Variants in ARHGAP10 observed in about 807,000 individuals in gnomAD.
ARHGAP10 encodes the protein Rho GTPase activating protein 10, also known as rho GTPase-activating protein 10.
Under a neutral mutation model 108.6 loss-of-function variants are expected in ARHGAP10, and 87 were observed. That is an observed-to-expected ratio of 0.80 (90% CI 0.67 to 0.96). The LOEUF is 0.96. Ranked by LOEUF, ARHGAP10 falls within the 40% of genes least tolerant of loss-of-function variation. ARHGAP10 has a pLI of 0.00. For synonymous variants in ARHGAP10, 347 were observed against 341.1 expected (o/e 1.02, Z -0.19); for missense variants, 939 against 954.5 (o/e 0.98, Z 0.21).
In ARHGAP10 at chr4:147,872,161, T is replaced by G. The variant is rs376837777; in HGVS notation, c.703-2860T>G. Among the ~76,000 whole-genome samples the G allele has an allele frequency of 7.5e-4, 106 of 142,148 alleles. No homozygotes were observed. The South Asian group carries it at 0.022, about 30-fold the overall frequency. 93.3% of individuals were successfully genotyped at this position (142,148 alleles called of 152,430 possible). On this transcript the variant is annotated intron_variant, in intron 7 of 22. Transcript: ENST00000336498. ...TGCAGAAAATAAACCTCTGAGGAAG[T>G]TGGGTGGTGAGGGAGAGGGGGACCT...
At chr4:147,738,553 C>A (rs1728524531) in intron 1 of ARHGAP10, among the ~76,000 whole-genome samples, 1 of 147,920 alleles carries the variant, frequency 6.8e-6, no homozygotes, top group Admixed American at 6.7e-5. Flanking sequence ...ACTCTGTCTC[C>A]CCCCCCCAAA....
intron 13 of ARHGAP10, among the ~76,000 whole-genome samples, chr4:147,918,136 T>TC (rs1266083802): frequency 6.8e-6 from 1 of 146,412 alleles, no homozygotes; most frequent in Non-Finnish European, 1.5e-5. Flanking sequence ...CATTAAGATT[T>TC]TTTTTTTTTT....
intron 19 of ARHGAP10, among the ~76,000 whole-genome samples, chr4:148,024,223 G>T (rs1485050172): frequency 1.3e-5 from 2 of 152,236 alleles, no homozygotes; most frequent in African/African-American, 4.8e-5. Flanking sequence ...TGTGACTCGT[G>T]TTGTGAGGCC....
intron 16 of ARHGAP10, among the ~76,000 whole-genome samples, chr4:147,962,078 C>A (rs964303855): frequency 6.6e-6 from 1 of 152,226 alleles, no homozygotes; most frequent in Non-Finnish European, 1.5e-5. Flanking sequence ...CCTACTGTTT[C>A]CAGCTACTGC....
chr4:147,830,097 A>G (rs1191478869), intron 3 of ARHGAP10, among the ~76,000 whole-genome samples: 7 of 152,150 alleles, frequency 4.6e-5, no homozygotes, highest in Non-Finnish European at 1.0e-4. Context: ...CCCTTTCCCC[A>G]TTTGGGCAGG....
chr4:147,915,022 T>A (rs1434865893), intron 13 of ARHGAP10, among the ~76,000 whole-genome samples: 1 of 152,216 alleles, frequency 6.6e-6, no homozygotes, highest in Non-Finnish European at 1.5e-5. Context: ...TTCACTCTCA[T>A]ATATTCTGTA....
chr4:147,902,689 C>G (rs1041158219), intron 10 of ARHGAP10, among the ~76,000 whole-genome samples: 5 of 151,878 alleles, frequency 3.3e-5, no homozygotes, highest in African/African-American at 1.2e-4. Context: ...TGCAGTAAGC[C>G]GAGACTGCAC....
At chr4:148,008,337 T>G (rs564289832) in intron 18 of ARHGAP10, among the ~76,000 whole-genome samples, 35 of 152,172 alleles carry the variant, frequency 2.3e-4, no homozygotes, top group African/African-American at 7.9e-4. Flanking sequence ...GTGCTAACAG[T>G]TACTGAATTA....
intron 5 of ARHGAP10, chr4:147,862,230 C>G (rs1734349148): frequency 6.6e-6 from 1 of 152,588 alleles, no homozygotes; most frequent in Non-Finnish European, 1.5e-5. Context: ...GCATACCCGG[C>G]TGGGTGGCAA....
intron 13 of ARHGAP10, among the ~76,000 whole-genome samples, chr4:147,920,135 C>T (rs1263725316): frequency 2.0e-5 from 3 of 151,502 alleles, no homozygotes; most frequent in South Asian, 2.1e-4. Context: ...AACATAACCT[C>T]GCTGGGCACA....
chr4:148,060,059 G>T (rs1729545322), intron 20 of ARHGAP10, among the ~76,000 whole-genome samples: 1 of 151,770 alleles, frequency 6.6e-6, no homozygotes, highest in Non-Finnish European at 1.5e-5. Context: ...TATGCCTTAG[G>T]GCTCAGTTCT....
At chr4:147,924,277 G>A (rs1578695273) in intron 13 of ARHGAP10, among the ~76,000 whole-genome samples, 1 of 151,938 alleles carries the variant, frequency 6.6e-6, no homozygotes, top group Non-Finnish European at 1.5e-5. Context: ...TTTACCCCTC[G>A]TCCATGTGGT....
At chr4:147,962,926 G>T (rs1739054744) in intron 16 of ARHGAP10, among the ~76,000 whole-genome samples, 1 of 152,148 alleles carries the variant, frequency 6.6e-6, no homozygotes. Context: ...CTCCCAAAGT[G>T]CTGGGATTAT....
At chr4:147,891,224 C>T (rs1173830604) in intron 10 of ARHGAP10, among the ~76,000 whole-genome samples, 1 of 152,090 alleles carries the variant, frequency 6.6e-6, no homozygotes, top group Non-Finnish European at 1.5e-5. Flanking sequence ...ATAGAAACAA[C>T]CTAAATGTCT....
chr4:147,796,850 A>T (rs1222938056), intron 1 of ARHGAP10, among the ~76,000 whole-genome samples: 1 of 152,172 alleles, frequency 6.6e-6, no homozygotes, highest in Non-Finnish European at 1.5e-5. Flanking sequence ...GAATGCTAGT[A>T]CTGGCCATAG....
intron 1 of ARHGAP10, among the ~76,000 whole-genome samples, chr4:147,777,372 AC>A (rs1415419041): frequency 6.6e-6 from 1 of 150,606 alleles, no homozygotes; most frequent in Non-Finnish European, 1.5e-5. Context: ...CATTCTCCTG[AC>A]TCAGCCTCCC....
intron 18 of ARHGAP10, among the ~76,000 whole-genome samples, chr4:147,995,427 T>G (rs1220114478): frequency 6.6e-6 from 1 of 152,222 alleles, no homozygotes; most frequent in Non-Finnish European, 1.5e-5. Context: ...GTGATCTACT[T>G]ACAGTGTGGA....
intron 20 of ARHGAP10, among the ~76,000 whole-genome samples, chr4:148,048,681 A>T (rs1030042920): frequency 6.6e-6 from 1 of 152,232 alleles, no homozygotes; most frequent in African/African-American, 2.4e-5. Context: ...GTAAGTGAAT[A>T]TCACAGGCAG....
intron 18 of ARHGAP10, among the ~76,000 whole-genome samples, chr4:147,968,763 A>G (rs1269712327): frequency 6.6e-6 from 1 of 152,144 alleles, no homozygotes; most frequent in African/African-American, 2.4e-5. Context: ...AACTGTTAGA[A>G]TGCTTGGTCA....
Sources: allele counts gnomAD v4.1 joint callset (sites outside exome capture counted in the v4.1 genomes callset), GRCh38; gene constraint gnomAD v4.1.1; transcripts MANE v1.5; gene names NCBI Gene and HGNC (gene_info 2026-07-23, HGNC 2026-07-21).